COMMD10: variants seen among roughly 807,000 people sequenced by gnomAD.
COMMD10 encodes the protein COMM domain containing 10.
A neutral mutation model predicts 28.9 loss-of-function variants in COMMD10; 33 were observed. That is an observed-to-expected ratio of 1.14 (90% confidence interval 0.87 to 1.53). The LOEUF (loss-of-function observed/expected upper bound fraction) is 1.53. COMMD10 is among the 40% of genes most tolerant of loss of function. The pLI, the probability that COMMD10 is intolerant of heterozygous loss-of-function variation, is 0.00. For missense variants in COMMD10, 310 were observed against 233.4 expected (o/e 1.33, Z -2.14); for synonymous variants, 110 against 81.7 (o/e 1.35, Z -1.87).
chr5:116,236,647 A>G (rs868600877), intron 5 of COMMD10, among the ~76,000 whole-genome samples: 1 of 152,156 alleles, frequency 6.6e-6, no homozygotes, highest in East Asian at 1.9e-4. Flanking sequence ...AGAAGAGACA[A>G]AACTGTGAAG....
chr5:116,232,057 A>G (rs1004717117), intron 5 of COMMD10, among the ~76,000 whole-genome samples: 6 of 152,130 alleles, frequency 3.9e-5, no homozygotes, highest in African/African-American at 7.2e-5. Context: ...TGAATTTTGT[A>G]TGGAAGCTGG....
chr5:116,190,475 A>C (rs1171865485), intron 5 of COMMD10, among the ~76,000 whole-genome samples: 4 of 152,182 alleles, frequency 2.6e-5, no homozygotes, highest in African/African-American at 4.8e-5. Context: ...TAGTTTGATA[A>C]ATACCCAGCT....
At chr5:116,104,487 A>G (rs865891516) in intron 4 of COMMD10, among the ~76,000 whole-genome samples, 1 of 152,304 alleles carries the variant, frequency 6.6e-6, no homozygotes, top group Middle Eastern at 3.4e-3. Flanking sequence ...ATTTTTGCAC[A>G]TTGATTTTGT....
chr5:116,116,516 T>C (rs2112744473), intron 4 of COMMD10, among the ~76,000 whole-genome samples: 1 of 152,350 alleles, frequency 6.6e-6, no homozygotes, highest in South Asian at 2.1e-4. Context: ...AAGGGTATTT[T>C]GTTGTAATTA....
At chr5:116,244,189 AAAG>A (rs1177317271) in intron 5 of COMMD10, among the ~76,000 whole-genome samples, 1 of 152,114 alleles carries the variant, frequency 6.6e-6, no homozygotes, top group Admixed American at 6.6e-5. Flanking sequence ...GGGACTGGTA[AAAG>A]AAGAGACTGC....
At chr5:116,105,672 C>G (rs1750813332) in intron 4 of COMMD10, among the ~76,000 whole-genome samples, 1 of 152,134 alleles carries the variant, frequency 6.6e-6, no homozygotes, top group Admixed American at 6.5e-5. Flanking sequence ...CAAATTCTTC[C>G]TGGTTTAGTG....
intron 5 of COMMD10, among the ~76,000 whole-genome samples, chr5:116,179,383 A>G (rs1747866842): frequency 6.6e-6 from 1 of 152,168 alleles, no homozygotes; most frequent in African/African-American, 2.4e-5. Context: ...CTACTGGATA[A>G]TGTCAGAACC....
chr5:116,173,788 C>G (rs1175777832), intron 5 of COMMD10, among the ~76,000 whole-genome samples: 1 of 150,842 alleles, frequency 6.6e-6, no homozygotes, highest in Non-Finnish European at 1.5e-5. Context: ...TATCACCTTC[C>G]TTGTTAATCC....
chr5:116,209,197 C>G (rs1324055699), intron 5 of COMMD10, among the ~76,000 whole-genome samples: 1 of 151,532 alleles, frequency 6.6e-6, no homozygotes, highest in East Asian at 1.9e-4. Context: ...TCTTATAATT[C>G]CATGTGGAAA....
At chr5:116,268,417 G>C (rs988557300) in intron 5 of COMMD10, among the ~76,000 whole-genome samples, 7 of 151,892 alleles carry the variant, frequency 4.6e-5, no homozygotes, top group African/African-American at 1.2e-4. Flanking sequence ...TCTCATACCA[G>C]TTAGAATGGC....
At chr5:116,221,899 A>G (rs116112815) in intron 5 of COMMD10, among the ~76,000 whole-genome samples, 2,450 of 152,198 alleles carry the variant, frequency 0.016, 70 homozygotes, top group African/African-American at 0.057. Context: ...GAAGGGAGGG[A>G]GGTAGATAGG....
chr5:116,164,855 A>G (rs973745299), intron 5 of COMMD10, among the ~76,000 whole-genome samples: 1 of 152,158 alleles, frequency 6.6e-6, no homozygotes, highest in Non-Finnish European at 1.5e-5. Flanking sequence ...AATAAGCTAT[A>G]ATGTGCCCTT....
At chr5:116,232,624 C>A (rs2112655808) in intron 5 of COMMD10, among the ~76,000 whole-genome samples, 1 of 152,120 alleles carries the variant, frequency 6.6e-6, no homozygotes, top group South Asian at 2.1e-4. Context: ...TTGCTTAAAC[C>A]CCAGGGGGGC....
At chr5:116,115,850 G>C (rs1351655863) in intron 4 of COMMD10, among the ~76,000 whole-genome samples, 1 of 152,048 alleles carries the variant, frequency 6.6e-6, no homozygotes, top group Non-Finnish European at 1.5e-5. Context: ...AAGATTATGA[G>C]ACTTGTAAAT....
chr5:116,115,257 A>G (rs1167630390), intron 4 of COMMD10, among the ~76,000 whole-genome samples: 1 of 152,168 alleles, frequency 6.6e-6, no homozygotes, highest in Non-Finnish European at 1.5e-5. Flanking sequence ...GGCCTGGATT[A>G]TACAATTGAT....
intron 5 of COMMD10, among the ~76,000 whole-genome samples, chr5:116,153,077 C>T (rs966814859): frequency 6.6e-6 from 1 of 152,068 alleles, no homozygotes; most frequent in Non-Finnish European, 1.5e-5. Flanking sequence ...TTCGACACTA[C>T]ACATGAATGA....
chr5:116,127,809 G>A lies in COMMD10; in HGVS notation c.400-6259G>A, dbSNP rs943152180. Among the ~76,000 whole-genome samples, 5 of 152,094 alleles carry A rather than the reference G, an allele frequency of 3.3e-5. No homozygotes were observed. The East Asian group carries it at 9.7e-4, about 29-fold the overall frequency. On this transcript the variant is annotated intron_variant, in intron 4 of 6. Transcript: ENST00000274458. ...GGGGAAGGAGGAGGGATAGCAGTAG[G>A]AGATATACCTAGTGTAAATGACATG...
intron 5 of COMMD10, among the ~76,000 whole-genome samples, chr5:116,166,293 T>C (rs1387962433): frequency 1.3e-5 from 2 of 152,212 alleles, no homozygotes; most frequent in Non-Finnish European, 2.9e-5. Flanking sequence ...GCTTAAGGAC[T>C]TGAATCCAGA....
chr5:116,234,002 A>T (rs1749596366), intron 5 of COMMD10, among the ~76,000 whole-genome samples: 1 of 152,202 alleles, frequency 6.6e-6, no homozygotes, highest in African/African-American at 2.4e-5. Context: ...AGTAATAATC[A>T]AAAATAGGAA....
Sources: gnomAD v4.1 joint callset for allele counts (sites outside exome capture counted in the v4.1 genomes callset) on GRCh38, gnomAD v4.1.1 for gene constraint, MANE v1.5 for transcripts, NCBI Gene and HGNC (gene_info 2026-07-23, HGNC 2026-07-21) for gene names.